Variants in SEMA6D observed in about 807,000 individuals in gnomAD.
SEMA6D encodes semaphorin 6D.
In SEMA6D, 35 loss-of-function variants were observed where a neutral mutation model predicts 106.6. The observed-to-expected ratio is 0.33, with a 90% CI of 0.25 to 0.44. The LOEUF (loss-of-function observed/expected upper bound fraction) is 0.44. Ranked by LOEUF, SEMA6D falls within the 20% of genes least tolerant of loss-of-function variation. SEMA6D has a pLI of 1.00. For synonymous variants in SEMA6D, 499 were observed against 487.7 expected, an observed-to-expected ratio of 1.02 and a Z score of -0.31; for missense variants, 1,185 against 1,345.9, an observed-to-expected ratio of 0.88 and a Z score of 1.87.
intron 1 of SEMA6D, among the ~76,000 whole-genome samples, chr15:47,233,317 A>C (rs2032333983): frequency 6.6e-6 from 1 of 151,978 alleles, no homozygotes. Flanking sequence ...TGCCTATATC[A>C]CAGTATTTTG....
intron 3 of SEMA6D, among the ~76,000 whole-genome samples, chr15:47,588,493 C>T (rs1421750339): frequency 3.3e-5 from 5 of 152,032 alleles, no homozygotes; most frequent in South Asian, 2.1e-4. Flanking sequence ...CCTCAGACTC[C>T]GTAAAAAAAG....
rs570834013 is a variant in SEMA6D at position 47,557,628 on chromosome 15, A to G, written c.-86-43237A>G. Among the ~76,000 whole-genome samples the G allele has an allele frequency of 2.3e-4, 35 of 152,324 alleles. No homozygotes were observed. The South Asian group carries it at 6.8e-3, about 30-fold the overall frequency. On this transcript the variant is annotated intron_variant, in intron 3 of 19. Transcript: ENST00000558014. ...CTCATGAAGCAGAACTGATATTGTC[A>G]TTAAAGTTTAGTAGCTGTACACTTC... is the stretch of plus-strand genomic sequence containing the variant.
At chr15:47,357,386 G>T (rs1448381590) in intron 1 of SEMA6D, among the ~76,000 whole-genome samples, 1 of 151,844 alleles carries the variant, frequency 6.6e-6, no homozygotes, top group Non-Finnish European at 1.5e-5. Flanking sequence ...TTATATATTG[G>T]CAAAATACTC....
At chr15:47,355,723 G>C (rs1167534512) in intron 1 of SEMA6D, among the ~76,000 whole-genome samples, 1 of 152,150 alleles carries the variant, frequency 6.6e-6, no homozygotes, top group African/African-American at 2.4e-5. Context: ...ACACTTGACT[G>C]CAGAGTTAGA....
At chr15:47,291,025 A>G (rs554564210) in intron 1 of SEMA6D, among the ~76,000 whole-genome samples, 15 of 152,350 alleles carry the variant, frequency 9.8e-5, no homozygotes, top group Admixed American at 6.5e-4. Flanking sequence ...TCAGTGATGT[A>G]TAGCTAGGCT....
intron 3 of SEMA6D, among the ~76,000 whole-genome samples, chr15:47,575,866 A>G (rs1433909214): frequency 1.3e-5 from 2 of 152,204 alleles, no homozygotes; most frequent in Non-Finnish European, 2.9e-5. Context: ...GCAACTTTAA[A>G]AATTAACACA....
chr15:47,265,541 A>ACTTTGG (rs530308169), intron 1 of SEMA6D, among the ~76,000 whole-genome samples: 217 of 151,762 alleles, frequency 1.4e-3, no homozygotes, highest in African/African-American at 4.8e-3. Context: ...CTTTGGACAT[A>ACTTTGG]CTTACAATGG....
intron 1 of SEMA6D, among the ~76,000 whole-genome samples, chr15:47,252,299 A>G (rs190055350): frequency 7.9e-5 from 12 of 152,280 alleles, no homozygotes; most frequent in African/African-American, 2.4e-4. Context: ...TGTTTATGCT[A>G]TATAGTATGA....
chr15:47,462,073 T>G (rs1288089893), intron 2 of SEMA6D, among the ~76,000 whole-genome samples: 1 of 152,068 alleles, frequency 6.6e-6, no homozygotes, highest in African/African-American at 2.4e-5. Flanking sequence ...TCATTTCAAA[T>G]CTTGGTACTA....
At position 47,772,861 on chromosome 15, in the gene SEMA6D, A is replaced by G. The variant is rs1165696090; in HGVS notation, c.*1076A>G. 2 of 138,724 alleles carry G rather than the reference A, an allele frequency of 1.4e-5. No individual in the cohort carries two copies. The highest frequency in any genetic ancestry group is 5.3e-5 in the African/African-American group (2 of 37,580). 8.6% of individuals were successfully genotyped at this position (138,724 alleles called of 1,614,324 possible). On this transcript the variant is annotated 3_prime_UTR_variant, in exon 19 of 19. Coordinates refer to ENST00000536845, the MANE Select transcript of SEMA6D (RefSeq NM_001358351.3). The stretch of plus-strand genomic sequence containing the variant: ...AACTCCTCCTACCCCCCAAGGTAAG[A>G]AACAAAAAACAAACAAACAAACAAA...
intron 1 of SEMA6D, among the ~76,000 whole-genome samples, chr15:47,310,388 A>G (rs1435616078): frequency 1.3e-5 from 2 of 152,234 alleles, no homozygotes; most frequent in Non-Finnish European, 2.9e-5. Context: ...GTTTTAAGCT[A>G]TTGTTTGTGT....
chr15:47,229,503 G>C (rs961089957), intron 1 of SEMA6D, among the ~76,000 whole-genome samples: 2 of 151,912 alleles, frequency 1.3e-5, no homozygotes, highest in Non-Finnish European at 2.9e-5. Context: ...AGGGTGTGCT[G>C]GTGTGCAGAT....
At chr15:47,440,315 A>AATGAC (rs747355482) in intron 2 of SEMA6D, among the ~76,000 whole-genome samples, 7 of 49,892 alleles carry the variant, frequency 1.4e-4, no homozygotes, top group African/African-American at 2.4e-4. Context: ...AGCCAAACAA[A>AATGAC]ATGACAGTGG....
At chr15:47,289,238 A>C (rs972284482) in intron 1 of SEMA6D, among the ~76,000 whole-genome samples, 19 of 151,874 alleles carry the variant, frequency 1.3e-4, no homozygotes, top group African/African-American at 4.1e-4. Context: ...TACTAAATAT[A>C]CAAAAATTAG....
chr15:47,470,920 G>A (rs1209486430), intron 3 of SEMA6D, among the ~76,000 whole-genome samples: 2 of 152,166 alleles, frequency 1.3e-5, no homozygotes, highest in African/African-American at 2.4e-5. Context: ...TTTGTGGGGT[G>A]TTCCCAAATT....
chr15:47,486,339 T>C (rs2043296294), intron 3 of SEMA6D, among the ~76,000 whole-genome samples: 1 of 152,364 alleles, frequency 6.6e-6, no homozygotes, highest in Non-Finnish European at 1.5e-5. Flanking sequence ...CATAGATTTT[T>C]ATTAAGATTG....
chr15:47,679,917 A>C (rs1405723854), intron 4 of SEMA6D, among the ~76,000 whole-genome samples: 5 of 152,166 alleles, frequency 3.3e-5, no homozygotes, highest in African/African-American at 1.2e-4. Flanking sequence ...TCATGTCTCC[A>C]AGCTATTAAA....
intron 1 of SEMA6D, among the ~76,000 whole-genome samples, chr15:47,740,070 G>A (rs578107686): frequency 6.6e-5 from 10 of 152,156 alleles, no homozygotes; most frequent in Admixed American, 1.3e-4. Context: ...AGTAGAGCCT[G>A]CTTTTCCATT....
At chr15:47,686,652 A>G (rs1345715512) in intron 4 of SEMA6D, among the ~76,000 whole-genome samples, 1 of 152,212 alleles carries the variant, frequency 6.6e-6, no homozygotes, top group Non-Finnish European at 1.5e-5. Context: ...CGGGCCCTCC[A>G]ACACTCCAAT....
Sources: allele counts gnomAD v4.1 joint callset (sites outside exome capture counted in the v4.1 genomes callset), GRCh38; gene constraint gnomAD v4.1.1; transcripts MANE v1.5; gene names NCBI Gene and HGNC (gene_info 2026-07-23, HGNC 2026-07-21).